USP33: variants seen among roughly 807,000 people sequenced by gnomAD.
USP33 encodes the protein ubiquitin specific peptidase 33.
USP33 carries 46 observed loss-of-function variants against 124.2 expected under a neutral mutation model. That is an observed-to-expected ratio of 0.37 (90% CI 0.29 to 0.47). The LOEUF (loss-of-function observed/expected upper bound fraction) is 0.47. USP33 is among the 20% of genes least tolerant of loss of function. The probability of loss-of-function intolerance (pLI) is 0.99; values close to 1 mark genes in which losing one functional copy is unlikely to be tolerated. For missense variants in USP33, 851 were observed against 1,070.6 expected (o/e 0.79, Z 2.86); for synonymous variants, 350 against 352.3 (o/e 0.99, Z 0.07).
At chr1:77,745,399 T>C (rs1327836325) in intron 1 of USP33, 3 of 152,608 alleles carry the variant, frequency 2.0e-5, no homozygotes, top group African/African-American at 7.2e-5. Flanking sequence ...GGTCTTTTAA[T>C]TGGGGCATTT....
At chr1:77,725,067 A>G (rs1366389371) in intron 11 of USP33, among the ~76,000 whole-genome samples, 9 of 152,102 alleles carry the variant, frequency 5.9e-5, no homozygotes, top group Non-Finnish European at 8.8e-5. Context: ...AAGAAACATT[A>G]CTTGGTAGTA....
At chr1:77,759,204 C>G (rs1681088481) in intron 1 of USP33, 1 of 171,174 alleles carries the variant, frequency 5.8e-6, no homozygotes, top group Admixed American at 6.3e-5. Context: ...ACAACGGGGC[C>G]GGCCCCCTCA....
At chr1:77,718,522 TTAC>T (rs1300040074) in intron 16 of USP33, 71 bp downstream of exon 16, 57 of 1,160,796 alleles carry the variant, frequency 4.9e-5, no homozygotes, top group Middle Eastern at 2.1e-4. Flanking sequence ...AGAGAATTTA[TTAC>T]TACATTTTGT....
intron 22 of USP33, among the ~76,000 whole-genome samples, chr1:77,699,086 C>T (rs1346877242): frequency 6.6e-6 from 1 of 151,932 alleles, no homozygotes; most frequent in African/African-American, 2.4e-5. Context: ...GGACAAAGAA[C>T]ATGAACACTT....
intron 21 of USP33, among the ~76,000 whole-genome samples, chr1:77,709,641 T>C (rs1675012468): frequency 6.6e-6 from 1 of 151,394 alleles, no homozygotes; most frequent in Non-Finnish European, 1.5e-5. Context: ...AAGCTACATA[T>C]AGATCTATCT....
In USP33 at chr1:77,715,745, T is replaced by C; in HGVS notation, c.2042A>G (p.Tyr681Cys). Residue 681 changes from tyrosine to cysteine, a missense_variant, in exon 18 of 24, where the codon TAT becomes TGT. Coordinates refer to ENST00000370794, the MANE Select transcript of USP33 (RefSeq NM_201624.3). ...VQNAEAYVLFYRKSSEEAQKE... is the reference protein window; with the variant it reads ...VQNAEAYVLFCRKSSEEAQKE... ...CATCTACACTTATTTCCATTACCTA[T>C]AGAAAAGAACGTAAGCTTCTGCATT... 1.2e-6 allele frequency: 2 copies of C among 1,613,110 alleles called. No individual in the cohort carries two copies. Among genetic ancestry groups the C allele is most frequent in the Non-Finnish European group, 8.5e-7 (1 of 1,179,734 alleles).
Position 77,740,910 on chromosome 1 carries a change from T to C in USP33, c.165A>G (p.Glu55=). The part of the protein sequence containing the change: ...ENRCSYVGCG[E]SQVDHSTIHS... ...GTATGGTGCTGTGATCTACTTGTGA[T>C]TCACCACAGCCAACATATGAACATC... The change falls in exon 4 of 24, where the codon GAA becomes GAG. Residue 55 remains glutamate, a synonymous_variant. Transcript: ENST00000370794. The C allele has an allele frequency of 1.3e-6, 2 of 1,568,838 alleles. No homozygotes were observed. Among genetic ancestry groups the C allele is most frequent in the South Asian group, 1.2e-5 (1 of 85,450 alleles).
At chr1:77,753,359 A>AT (rs1415628385) in intron 1 of USP33, among the ~76,000 whole-genome samples, 1 of 152,102 alleles carries the variant, frequency 6.6e-6, no homozygotes, top group African/African-American at 2.4e-5. Context: ...AGGCAGGGGC[A>AT]TGAGGATCGC....
chr1:77,736,015 G>A, intron 6 of USP33, 41 bp downstream of exon 6: 2 of 1,381,534 alleles, frequency 1.4e-6, no homozygotes, highest in Non-Finnish European at 2.0e-6. Context: ...TAAAGAAATG[G>A]GCAGTGCCAT....
At chr1:77,718,926 CAAAAAAA>C (rs1049500513) in intron 15 of USP33, among the ~76,000 whole-genome samples, 4 of 52,524 alleles carry the variant, frequency 7.6e-5, no homozygotes, top group Non-Finnish European at 1.6e-4. Flanking sequence ...GACCCTGCCT[CAAAAAAA>C]AAAAAAAAAA....
At chr1:77,720,729 C>T in intron 15 of USP33, 4 of 533,926 alleles carry the variant, frequency 7.5e-6, no homozygotes, top group Non-Finnish European at 7.2e-6. Context: ...AAAAAGGCAG[C>T]TGGTAGTAGA....
At position 77,701,475 on chromosome 1, in the gene USP33, C is replaced by T; in HGVS notation, c.2407-4G>A. On this transcript the variant is annotated splice_region_variant and splice_polypyrimidine_tract_variant and intron_variant, in intron 21 of 23. Transcript: ENST00000370794. ...CTTTTTGGAACGCTCTGTTAAGCTA[C>T]AAGGGGGAAAAAAAACAGTCATCTA... 1 of 1,604,318 alleles carries T rather than the reference C, an allele frequency of 6.2e-7. No homozygotes were observed. Among genetic ancestry groups the T allele is most frequent in the Non-Finnish European group, 8.5e-7 (1 of 1,175,842 alleles).
At chr1:77,738,038 A>G (rs973721597) in intron 5 of USP33, among the ~76,000 whole-genome samples, 4 of 152,250 alleles carry the variant, frequency 2.6e-5, no homozygotes, top group Non-Finnish European at 4.4e-5. Flanking sequence ...CATGTTTGTG[A>G]ATGATAAATA....
At position 77,717,328 on chromosome 1, in the gene USP33, A is replaced by G. The variant is rs1436703943; in HGVS notation, c.1918+539T>C. On this transcript the variant is annotated intron_variant, in intron 17 of 23. Transcript: ENST00000370794. ...CACGGTGAAACCCCGTCTCCACTAA[A>G]AATACAAAAAAATTAGCTGGGCGTG... Among the ~76,000 whole-genome samples the G allele has an allele frequency of 2.6e-5, 4 of 152,046 alleles. No individual in the cohort carries two copies. The East Asian group carries it at 5.9e-4, about 22-fold the overall frequency.
Position 77,739,212 on chromosome 1 carries a change from G to A in USP33, c.351+53C>T, listed in dbSNP as rs1678834385. 7 of 1,552,530 alleles carry A rather than the reference G, an allele frequency of 4.5e-6. No homozygotes were observed. In the East Asian group the frequency reaches 1.4e-4, roughly 30 times the overall value. On this transcript the variant is annotated intron_variant, in intron 5 of 23. Coordinates refer to ENST00000370794, the MANE Select transcript of USP33 (RefSeq NM_201624.3). ...AAATTTCAGCTACATGACAAATTCT[G>A]AAATTATTACCGGAATGTTTTACAG... is the stretch of plus-strand genomic sequence containing the variant.
chr1:77,711,865 G>C lies in USP33; in HGVS notation c.2298-10C>G. 6.3e-7 allele frequency: 1 copy of C among 1,581,070 alleles called. No individual in the cohort carries two copies. Among genetic ancestry groups the C allele is most frequent in the Non-Finnish European group, 8.5e-7 (1 of 1,170,766 alleles). ...TGGTCCTCCACCATACCTAAAGCAT[G>C]AAAAATTTAAGAATTAATGTTCTAG... On this transcript the variant is annotated splice_polypyrimidine_tract_variant and intron_variant, in intron 20 of 23. Transcript: ENST00000370794.
At chr1:77,717,126 C>CGA (rs1676006293) in intron 17 of USP33, among the ~76,000 whole-genome samples, 1 of 151,950 alleles carries the variant, frequency 6.6e-6, no homozygotes, top group Admixed American at 6.6e-5. Flanking sequence ...CTTGGCCTCC[C>CGA]AGTGCTGGGA....
At chr1:77,701,187 ATAAGTT>A (rs1171366757) in intron 22 of USP33, among the ~76,000 whole-genome samples, 176 bp downstream of exon 22, 2 of 152,214 alleles carry the variant, frequency 1.3e-5, no homozygotes, top group Non-Finnish European at 2.9e-5. Context: ...AATTCATAAA[ATAAGTT>A]TAACAAAATT....
In USP33 at chr1:77,713,729, C is replaced by T. The variant is rs533288859; in HGVS notation, c.2216-448G>A. Among the ~76,000 whole-genome samples the T allele has an allele frequency of 6.6e-5, 10 of 152,094 alleles. No homozygotes were observed. In the South Asian group the frequency reaches 1.2e-3, roughly 19 times the overall value. On this transcript the variant is annotated intron_variant, in intron 19 of 23. Transcript: ENST00000370794. Reference sequence around the variant, plus strand: ...TGAGTCAAGGTCTCACTCTGTCACCCAGGCTGGAGTGCAGCAGCATGACCA... The same window carrying T: ...TGAGTCAAGGTCTCACTCTGTCACCTAGGCTGGAGTGCAGCAGCATGACCA...
Sources: allele counts gnomAD v4.1 joint callset (sites outside exome capture counted in the v4.1 genomes callset), GRCh38; gene constraint gnomAD v4.1.1; transcripts MANE v1.5; gene names NCBI Gene and HGNC (gene_info 2026-07-23, HGNC 2026-07-21).